Variants in ADCY3 observed in about 807,000 individuals in gnomAD.
ADCY3 encodes the protein adenylate cyclase type 3.
A neutral mutation model predicts 119.4 loss-of-function variants in ADCY3; 70 were observed. The ratio of observed to expected loss-of-function variants is 0.59; its 90% CI spans 0.48 to 0.72. ADCY3 has a LOEUF of 0.72. ADCY3 is among the 30% of genes least tolerant of loss of function. The pLI is 0.00. For missense variants in ADCY3, 1,238 were observed against 1,541.6 expected (o/e 0.80, Z 3.30); for synonymous variants, 672 against 621.4 (o/e 1.08, Z -1.21).
At chr2:24,824,228 G>T in intron 17 of ADCY3, 150 bp downstream of exon 17, 2 of 967,092 alleles carry the variant, frequency 2.1e-6, no homozygotes. Context: ...TTCCTCTTTT[G>T]CTTATTTGTG....
intron 2 of ADCY3, among the ~76,000 whole-genome samples, chr2:24,881,838 CGACTAGGA>C (rs1676438490): frequency 6.6e-6 from 1 of 151,938 alleles, no homozygotes; most frequent in South Asian, 2.1e-4. Context: ...TTGACAGTCA[CGACTAGGA>C]GAGCGGGTGC....
Position 24,842,634 on chromosome 2 carries a change from A to T in ADCY3, c.826-250T>A. The T allele has an allele frequency of 2.0e-6, 1 of 494,920 alleles. No homozygotes were observed. The highest frequency in any genetic ancestry group is 2.1e-5 in the South Asian group (1 of 47,838). 30.7% of individuals were successfully genotyped at this position (494,920 alleles called of 1,614,324 possible). On this transcript the variant is annotated intron_variant, in intron 3 of 21. Transcript: ENST00000679454. This position sits in a 1 kb window ranked among gnomAD's most constrained non-coding sequence, Gnocchi z 4.9. The stretch of plus-strand genomic sequence containing the variant: ...CTGAGGGGAGCCAGAAACGCAGTGA[A>T]GCATCCCAACGTGGCTCTGTGCTCA...
chr2:24,820,714 C>CT lies in ADCY3; in HGVS notation c.3252+9dup. ...GTCTGAGCACGTGCCAGCTGTGCCACTGGACATACCTGAATGTTGCCCATG... is the reference window on the plus strand; with the variant it reads ...GTCTGAGCACGTGCCAGCTGTGCCACTTGGACATACCTGAATGTTGCCCATG... On this transcript the variant is annotated intron_variant, in intron 21 of 21. Coordinates refer to ENST00000679454, the MANE Select transcript of ADCY3 (RefSeq NM_004036.5). The CT allele has an allele frequency of 6.2e-7, 1 of 1,613,928 alleles. No homozygotes were observed. The highest frequency in any genetic ancestry group is 8.5e-7 in the Non-Finnish European group (1 of 1,179,886).
intron 2 of ADCY3, among the ~76,000 whole-genome samples, chr2:24,888,818 G>A (rs1006549869): frequency 1.3e-5 from 2 of 152,240 alleles, no homozygotes; most frequent in African/African-American, 2.4e-5. Context: ...AGATCAGCCT[G>A]ACCAATATGG....
intron 2 of ADCY3, among the ~76,000 whole-genome samples, chr2:24,877,468 T>C (rs1195652077): frequency 1.3e-5 from 2 of 152,154 alleles, no homozygotes; most frequent in African/African-American, 4.8e-5. Context: ...CAAGGCTCGG[T>C]CGCTCCCCTG....
intron 3 of ADCY3, among the ~76,000 whole-genome samples, chr2:24,851,651 CA>C (rs555463970): frequency 1.5e-3 from 229 of 152,280 alleles, no homozygotes; most frequent in African/African-American, 5.2e-3. Flanking sequence ...CCCCAGTGCC[CA>C]GGGGCATCGG....
At chr2:24,877,293 TC>T (rs1412869822) in intron 2 of ADCY3, among the ~76,000 whole-genome samples, 1 of 151,648 alleles carries the variant, frequency 6.6e-6, no homozygotes, top group Non-Finnish European at 1.5e-5. Flanking sequence ...CACCCACCCC[TC>T]CCCCCTTCAG....
At chr2:24,860,424 G>A (rs1673487699) in intron 3 of ADCY3, among the ~76,000 whole-genome samples, 1 of 152,248 alleles carries the variant, frequency 6.6e-6, no homozygotes, top group East Asian at 1.9e-4. Flanking sequence ...GGCACTGCCT[G>A]CGAAGCCAGA....
chr2:24,837,708 T>C (rs1484901365), intron 8 of ADCY3, among the ~76,000 whole-genome samples: 1 of 152,094 alleles, frequency 6.6e-6, no homozygotes, highest in Non-Finnish European at 1.5e-5. Flanking sequence ...CAGGGGATGG[T>C]AAAGGGATCC....
At chr2:24,847,204 A>G (rs1671753647) in intron 3 of ADCY3, among the ~76,000 whole-genome samples, 1 of 152,168 alleles carries the variant, frequency 6.6e-6, no homozygotes, top group South Asian at 2.1e-4. Context: ...AATAAGTCTC[A>G]CAAGGTCTGA....
At chr2:24,835,768 T>G (rs1486713572) in intron 9 of ADCY3, among the ~76,000 whole-genome samples, 1 of 152,050 alleles carries the variant, frequency 6.6e-6, no homozygotes, top group Non-Finnish European at 1.5e-5. Flanking sequence ...AAACTCCATC[T>G]TTACTAAAAA....
chr2:24,824,273 G>A, intron 17 of ADCY3, 105 bp downstream of exon 17: 1 of 1,444,250 alleles, frequency 6.9e-7, no homozygotes, highest in Non-Finnish European at 9.4e-7. Context: ...CTAGGCCCCA[G>A]TCCCCTGTCC....
intron 3 of ADCY3, among the ~76,000 whole-genome samples, chr2:24,852,750 C>A (rs139915559): frequency 2.6e-5 from 4 of 152,230 alleles, no homozygotes; most frequent in Admixed American, 2.0e-4. Context: ...CCAACGCCCG[C>A]GGAAACTTGG....
At chr2:24,882,323 G>C (rs1676496535) in intron 2 of ADCY3, among the ~76,000 whole-genome samples, 1 of 152,176 alleles carries the variant, frequency 6.6e-6, no homozygotes, top group African/African-American at 2.4e-5. Context: ...TACTCACTTG[G>C]ACTAGGCTTT....
intron 3 of ADCY3, among the ~76,000 whole-genome samples, chr2:24,852,521 C>T (rs527851029): frequency 1.3e-5 from 2 of 152,370 alleles, no homozygotes; most frequent in South Asian, 4.1e-4. Flanking sequence ...CTACTCCTCA[C>T]AGGCTGAGGA....
At chr2:24,838,424 G>A in intron 8 of ADCY3, 21 bp downstream of exon 8, 2 of 1,456,998 alleles carry the variant, frequency 1.4e-6, no homozygotes, top group Non-Finnish European at 1.9e-6. Flanking sequence ...TGGGGTGGGT[G>A]GGGTGGGGTG....
At chr2:24,833,517 G>A (rs974995212) in intron 11 of ADCY3, among the ~76,000 whole-genome samples, 30 of 152,142 alleles carry the variant, frequency 2.0e-4, no homozygotes, top group Non-Finnish European at 3.2e-4. Context: ...CAGCATACCC[G>A]CCTCCCTTCC....
rs190966663 is a variant in ADCY3, at chr2:24,834,823, C to T, written c.1776G>A (p.Glu592=). Residue 592 remains glutamate, a synonymous_variant, in exon 10 of 22, where the codon GAG becomes GAA. Transcript: ENST00000679454. The surrounding 1 kb of genome is among the most constrained non-coding windows in gnomAD (Gnocchi z 4.2). Reference sequence around the variant, plus strand: ...GGGCGGACTCTCGCTCAAGCAGGGCCTCGTTGAGCAGCTGGTTGAGCTCGT... The same window carrying T: ...GGGCGGACTCTCGCTCAAGCAGGGCTTCGTTGAGCAGCTGGTTGAGCTCGT... ...DEHELNQLLN[E]ALLERESAQV... 6 of 1,613,912 alleles carry T rather than the reference C, an allele frequency of 3.7e-6. No homozygotes were observed. In the Admixed American group the frequency reaches 1.0e-4, roughly 27 times the overall value.
In ADCY3 at chr2:24,878,558, T is replaced by C. The variant is rs1675996878; in HGVS notation, c.676-5839A>G. ...ACAGAGACCTATGACGTTCTGCGGC[T>C]GGAGGCCAGCCGCACGGGAAACTCG... On this transcript the variant is annotated intron_variant, in intron 2 of 21. Transcript: ENST00000679454. The surrounding 1 kb of genome is among the most constrained non-coding windows in gnomAD (Gnocchi z 4.0). Among the ~76,000 whole-genome samples, 1 of 151,438 alleles carries C rather than the reference T, an allele frequency of 6.6e-6. No individual in the cohort carries two copies. The highest frequency in any genetic ancestry group is 1.5e-5 in the Non-Finnish European group (1 of 67,884).
Sources: gnomAD v4.1 joint callset for allele counts (sites outside exome capture counted in the v4.1 genomes callset) on GRCh38, gnomAD v4.1.1 for gene constraint, Gnocchi (gnomAD v3.1) non-coding constraint, MANE v1.5 for transcripts, NCBI Gene and HGNC (gene_info 2026-07-23, HGNC 2026-07-21) for gene names.